OXSR1: variants seen among roughly 807,000 people sequenced by gnomAD.
The protein encoded by OXSR1 is serine/threonine-protein kinase OSR1.
OXSR1 carries 24 observed loss-of-function variants against 79.8 expected under a neutral mutation model. That is an observed-to-expected ratio of 0.30 (90% confidence interval 0.22 to 0.42). The LOEUF (loss-of-function observed/expected upper bound fraction) is 0.42. Ranked by LOEUF, OXSR1 falls within the 10% of genes least tolerant of loss-of-function variation. The probability of loss-of-function intolerance (pLI) is 1.00; values close to 1 mark genes in which losing one functional copy is unlikely to be tolerated. For missense variants in OXSR1, 430 were observed against 618.4 expected (o/e 0.70, Z 3.23); for synonymous variants, 226 against 209.2 (o/e 1.08, Z -0.69).
chr3:38,199,335 C>G (rs1021655776), intron 4 of OXSR1, among the ~76,000 whole-genome samples: 1 of 149,980 alleles, frequency 6.7e-6, no homozygotes, highest in Non-Finnish European at 1.5e-5. Flanking sequence ...ATGATCATAA[C>G]TCACTGCAAC....
intron 2 of OXSR1, among the ~76,000 whole-genome samples, chr3:38,184,376 G>A (rs1026820227): frequency 9.2e-5 from 14 of 152,136 alleles, no homozygotes; most frequent in African/African-American, 2.9e-4. Flanking sequence ...AATGCTGATC[G>A]AAATCTTATT....
rs36105102 is a variant in OXSR1 at position 38,183,439 on chromosome 3, A to G, written c.183+324A>G. Among the ~76,000 whole-genome samples, 252 of 152,348 alleles carry G rather than the reference A, an allele frequency of 1.7e-3. 1 individual carries two copies. The highest frequency in any genetic ancestry group is 6.0e-3 in the African/African-American group (248 of 41,588). ...TAGAACTTTTTCTGTGTCTGTAAAT[A>G]TGGATCAGTATCATTTACAGTGTGT... On this transcript the variant is annotated intron_variant, in intron 2 of 17. Transcript: ENST00000311806.
rs192142256 is a variant in OXSR1 at position 38,240,474 on chromosome 3, G to A, written c.1075-2269G>A. Reference sequence around the variant, plus strand: ...TGTGTGTGTGCGTGTATGTATATACGTGTGTCTGTACTTGCATATATTTCT... The same window carrying A: ...TGTGTGTGTGCGTGTATGTATATACATGTGTCTGTACTTGCATATATTTCT... On this transcript the variant is annotated intron_variant, in intron 11 of 17. Transcript: ENST00000311806. Among the ~76,000 whole-genome samples, 28 of 152,168 alleles carry A rather than the reference G, an allele frequency of 1.8e-4. No individual in the cohort carries two copies. The East Asian group carries it at 4.1e-3, about 22-fold the overall frequency.
chr3:38,173,291 A>C (rs561593201), intron 1 of OXSR1, among the ~76,000 whole-genome samples: 1 of 152,344 alleles, frequency 6.6e-6, no homozygotes, highest in East Asian at 1.9e-4. Flanking sequence ...GAAAATAGTC[A>C]AATAGGGTAT....
At chr3:38,220,676 G>C (rs1702571049) in intron 5 of OXSR1, among the ~76,000 whole-genome samples, 1 of 152,170 alleles carries the variant, frequency 6.6e-6, no homozygotes, top group African/African-American at 2.4e-5. Context: ...TGACCTTCAG[G>C]ATGCTGTTAG....
At chr3:38,168,497 C>T (rs774743249) in intron 1 of OXSR1, among the ~76,000 whole-genome samples, 4 of 151,868 alleles carry the variant, frequency 2.6e-5, no homozygotes, top group Non-Finnish European at 5.9e-5. Context: ...AATATTTTTT[C>T]ATTTAAAAAA....
At chr3:38,226,155 C>G (rs938980162) in intron 8 of OXSR1, among the ~76,000 whole-genome samples, 3 of 152,054 alleles carry the variant, frequency 2.0e-5, no homozygotes, top group Non-Finnish European at 4.4e-5. Context: ...CTTTCAAACT[C>G]TAGCTCCCAT....
chr3:38,238,701 G>A (rs1456096156), intron 11 of OXSR1, among the ~76,000 whole-genome samples: 1 of 151,776 alleles, frequency 6.6e-6, no homozygotes, highest in East Asian at 1.9e-4. Context: ...TCCTTTATAA[G>A]TAACATGTCT....
intron 10 of OXSR1, among the ~76,000 whole-genome samples, chr3:38,233,826 C>T (rs1440487954): frequency 1.3e-5 from 2 of 151,684 alleles, no homozygotes; most frequent in Admixed American, 6.6e-5. Context: ...GCAGGAGGAT[C>T]GCTTGAGCCC....
intron 1 of OXSR1, among the ~76,000 whole-genome samples, chr3:38,166,368 C>A (rs1324430891): frequency 6.6e-6 from 1 of 152,116 alleles, no homozygotes; most frequent in Non-Finnish European, 1.5e-5. Flanking sequence ...TTTCCTCCAT[C>A]CGTGCTGGGG....
chr3:38,211,945 C>T (rs1040067247), intron 4 of OXSR1, among the ~76,000 whole-genome samples: 7 of 152,180 alleles, frequency 4.6e-5, no homozygotes, highest in Non-Finnish European at 1.0e-4. Flanking sequence ...TGTTTTCCAA[C>T]GCAGCATTCG....
intron 4 of OXSR1, among the ~76,000 whole-genome samples, chr3:38,215,275 G>A (rs993963680): frequency 1.3e-5 from 2 of 152,128 alleles, no homozygotes; most frequent in South Asian, 2.1e-4. Flanking sequence ...CCTTTCTACT[G>A]TTGCTGGCTG....
chr3:38,193,471 G>A (rs1559506894), intron 3 of OXSR1: 1 of 1,127,842 alleles, frequency 8.9e-7, no homozygotes, highest in East Asian at 5.8e-5. Context: ...TTCTTTATTT[G>A]TAATTTACGA....
chr3:38,186,050 C>T (rs372730527), intron 2 of OXSR1, among the ~76,000 whole-genome samples: 3 of 150,152 alleles, frequency 2.0e-5, no homozygotes, highest in Admixed American at 6.6e-5. Flanking sequence ...ATGTTTGTGG[C>T]CTGGGCCACC....
rs146824126 is a variant in OXSR1, at chr3:38,225,086, T to G, written c.836+382T>G. On this transcript the variant is annotated intron_variant, in intron 8 of 17. Transcript: ENST00000311806. The stretch of plus-strand genomic sequence containing the variant: ...AGAAAATTTATATTTAGTGTAATAA[T>G]CATACTTATTTCCATGTTAGAAAGA... The G allele has an allele frequency of 3.1e-3, 475 of 153,374 alleles. 1 individual carries two copies. The highest frequency in any genetic ancestry group is 9.7e-3 in the African/African-American group (402 of 41,614). 9.5% of individuals were successfully genotyped at this position (153,374 alleles called of 1,614,324 possible). A position where few individuals can be genotyped will look rare whatever the true frequency, so the allele number is the denominator to read the frequency against.
rs184452186 is a variant in OXSR1 at position 38,222,219 on chromosome 3, A to G, written c.600+532A>G. ...GGACAGATGAGATTGACAGCTGTCT[A>G]TTAGTCACATATACTCACAGCCTAG... On this transcript the variant is annotated intron_variant, in intron 6 of 17. Transcript: ENST00000311806. Among the ~76,000 whole-genome samples, 256 of 152,318 alleles carry G rather than the reference A, an allele frequency of 1.7e-3. 2 individuals are homozygous for G. The highest frequency in any genetic ancestry group is 2.2e-3 in the Non-Finnish European group (153 of 68,032).
rs548082202 is a variant in OXSR1 at position 38,187,613 on chromosome 3, GAA to G, written c.184-3111_184-3110del. On this transcript the variant is annotated intron_variant, in intron 2 of 17. Transcript: ENST00000311806. ...ACGAAGGAATAAAAAGTTACCATTA[GAA>G]AAAAAAGGCTTCAGAAAGCTTGAGG... Among the ~76,000 whole-genome samples the G allele has an allele frequency of 6.6e-3, 994 of 151,552 alleles. 10 individuals carry two copies. Among genetic ancestry groups the G allele is most frequent in the African/African-American group, 0.023 (957 of 41,360 alleles).
At chr3:38,232,262 G>T (rs1169878928) in intron 10 of OXSR1, among the ~76,000 whole-genome samples, 4 of 151,816 alleles carry the variant, frequency 2.6e-5, no homozygotes, top group East Asian at 3.9e-4. Context: ...TCTATAAAAA[G>T]AATTTAAAAA....
chr3:38,246,163 C>G lies in OXSR1; in HGVS notation c.1199C>G (p.Ala400Gly). 2 of 1,613,850 alleles carry G rather than the reference C, an allele frequency of 1.2e-6. No individual in the cohort carries two copies. The highest frequency in any genetic ancestry group is 1.7e-6 in the Non-Finnish European group (2 of 1,179,834). Residue 400 changes from alanine (A) to glycine (G), a missense_variant, in exon 13 of 18, where the codon GCT (alanine) becomes GGT (glycine). By Grantham distance (60) the Ala-to-Gly change is moderately conservative (BLOSUM62 0). Coordinates refer to ENST00000311806, the MANE Select transcript of OXSR1 (RefSeq NM_005109.3). ...AHLPQPAGQI[A>G]TQPTQVSLPP... is the part of the protein sequence containing the mutation. ...CTACCTCAGCCAGCTGGGCAGATTG[C>G]TACACAGCCAACTCAAGTCTCTCTC...
Sources: gnomAD v4.1 joint callset for allele counts (sites outside exome capture counted in the v4.1 genomes callset) on GRCh38, gnomAD v4.1.1 for gene constraint, MANE v1.5 for transcripts, NCBI Gene and HGNC (gene_info 2026-07-23, HGNC 2026-07-21) for gene names.